SPOCK3: variants seen among roughly 807,000 people sequenced by gnomAD.
The protein encoded by SPOCK3 is testican-3.
A neutral mutation model predicts 56.6 loss-of-function variants in SPOCK3; 30 were observed. The observed-to-expected ratio is 0.53, with a 90% confidence interval of 0.40 to 0.72. The LOEUF is 0.72. SPOCK3 is among the 30% of genes least tolerant of loss of function. SPOCK3 has a pLI of 0.00. For missense variants in SPOCK3, 527 were observed against 530.0 expected, an observed-to-expected ratio of 0.99 and a Z score of 0.06; for synonymous variants, 196 against 183.3, an observed-to-expected ratio of 1.07 and a Z score of -0.56.
chr4:166,952,573 G>GA (rs1339031162), intron 4 of SPOCK3, among the ~76,000 whole-genome samples: 1 of 151,950 alleles, frequency 6.6e-6, no homozygotes, highest in Non-Finnish European at 1.5e-5. Context: ...CACAGAATTG[G>GA]AAAAAACTAC....
At chr4:166,830,745 G>A (rs547494209) in intron 6 of SPOCK3, among the ~76,000 whole-genome samples, 4 of 151,590 alleles carry the variant, frequency 2.6e-5, no homozygotes, top group Non-Finnish European at 4.4e-5. Flanking sequence ...TCCCCGCCCC[G>A]CTCGAAAAAA....
At chr4:166,742,257 C>CTATG (rs1490864324) in intron 8 of SPOCK3, among the ~76,000 whole-genome samples, 198 bp from the exon 9 acceptor site, 1 of 151,890 alleles carries the variant, frequency 6.6e-6, no homozygotes. Flanking sequence ...ATCTATCTAT[C>CTATG]TATCTATCTA....
At chr4:166,997,146 A>C (rs1168058484) in intron 4 of SPOCK3, among the ~76,000 whole-genome samples, 1 of 151,758 alleles carries the variant, frequency 6.6e-6, no homozygotes, top group Non-Finnish European at 1.5e-5. Context: ...AACAACACAC[A>C]CTGTGGCCTG....
chr4:167,129,014 A>G (rs1410378056), intron 2 of SPOCK3, among the ~76,000 whole-genome samples: 3 of 152,074 alleles, frequency 2.0e-5, no homozygotes, highest in Non-Finnish European at 4.4e-5. Flanking sequence ...CCTGCTCTAT[A>G]CCCTTGATTC....
At chr4:167,016,065 G>A (rs1433236368) in intron 3 of SPOCK3, among the ~76,000 whole-genome samples, 2 of 152,038 alleles carry the variant, frequency 1.3e-5, no homozygotes, top group Admixed American at 6.6e-5. Context: ...GTAAATTGAC[G>A]ATCCAATTAG....
chr4:166,960,085 A>G (rs558946380), intron 4 of SPOCK3, among the ~76,000 whole-genome samples: 1 of 152,336 alleles, frequency 6.6e-6, no homozygotes, highest in South Asian at 2.1e-4. Context: ...TGAAAGTAGT[A>G]TTACTCATTG....
intron 2 of SPOCK3, among the ~76,000 whole-genome samples, chr4:167,099,694 A>G (rs1190294077): frequency 6.6e-6 from 1 of 152,130 alleles, no homozygotes; most frequent in Non-Finnish European, 1.5e-5. Context: ...GTAGTTATTT[A>G]AAATTTGTTA....
chr4:166,999,692 G>C (rs900847797), intron 4 of SPOCK3, among the ~76,000 whole-genome samples: 1 of 152,088 alleles, frequency 6.6e-6, no homozygotes, highest in Admixed American at 6.6e-5. Context: ...ATTGTGGCGC[G>C]TTCAAATTTT....
At chr4:166,796,369 T>A (rs931376515) in intron 6 of SPOCK3, among the ~76,000 whole-genome samples, 2 of 152,184 alleles carry the variant, frequency 1.3e-5, no homozygotes, top group African/African-American at 4.8e-5. Context: ...GCAGAGGGGA[T>A]GCTCTGGGAA....
chr4:166,923,544 T>C (rs992868202), intron 4 of SPOCK3, among the ~76,000 whole-genome samples: 16 of 152,214 alleles, frequency 1.1e-4, no homozygotes, highest in African/African-American at 3.4e-4. Context: ...TAAATTCACA[T>C]AGACAGTATA....
chr4:166,769,092 T>C (rs996916869), intron 7 of SPOCK3, among the ~76,000 whole-genome samples: 1 of 151,358 alleles, frequency 6.6e-6, no homozygotes, highest in African/African-American at 2.4e-5. Context: ...ATTTGTCTAA[T>C]GTTTTTTCAA....
intron 3 of SPOCK3, among the ~76,000 whole-genome samples, chr4:167,033,668 A>G (rs1752479629): frequency 6.6e-6 from 1 of 151,958 alleles, no homozygotes; most frequent in African/African-American, 2.4e-5. Flanking sequence ...TAGTATTCCC[A>G]AAACACATGA....
intron 2 of SPOCK3, among the ~76,000 whole-genome samples, chr4:167,161,932 G>A (rs1015460909): frequency 8.6e-5 from 13 of 151,484 alleles, no homozygotes; most frequent in Non-Finnish European, 1.8e-4. Context: ...GGAGATATAC[G>A]TAATGTTAAA....
chr4:166,884,899 A>ACT (rs1290343255), intron 6 of SPOCK3, among the ~76,000 whole-genome samples: 1 of 150,852 alleles, frequency 6.6e-6, no homozygotes, highest in Non-Finnish European at 1.5e-5. Flanking sequence ...ACACACACAC[A>ACT]CTTAGTATTA....
intron 6 of SPOCK3, 95 bp from the exon 7 acceptor site, chr4:166,792,384 C>A: frequency 4.5e-6 from 6 of 1,339,102 alleles, no homozygotes; most frequent in Admixed American, 2.2e-5. Flanking sequence ...AAGGTAAGAA[C>A]GACTAAAAGA....
At chr4:166,738,640 C>A (rs1470896980) in intron 9 of SPOCK3, among the ~76,000 whole-genome samples, 1 of 110,576 alleles carries the variant, frequency 9.0e-6, no homozygotes, top group African/African-American at 3.5e-5. Flanking sequence ...CCACAACAGT[C>A]CCCAGAGTGT....
intron 3 of SPOCK3, among the ~76,000 whole-genome samples, chr4:167,046,092 T>G (rs942866023): frequency 6.6e-6 from 1 of 152,158 alleles, no homozygotes; most frequent in African/African-American, 2.4e-5. Context: ...TATATTCTTC[T>G]AACTTGTTTT....
intron 6 of SPOCK3, among the ~76,000 whole-genome samples, chr4:166,815,604 C>T (rs896467594): frequency 1.3e-5 from 2 of 151,914 alleles, no homozygotes; most frequent in Non-Finnish European, 2.9e-5. Flanking sequence ...CATAGCAAGA[C>T]TCTCTCTCTA....
chr4:166,784,936 T>A (rs546738285), intron 7 of SPOCK3, among the ~76,000 whole-genome samples: 18 of 152,236 alleles, frequency 1.2e-4, no homozygotes, highest in African/African-American at 4.3e-4. Flanking sequence ...TAGTACAATG[T>A]CACTTTCAAG....
Sources: gnomAD v4.1 joint callset for allele counts (sites outside exome capture counted in the v4.1 genomes callset) on GRCh38, gnomAD v4.1.1 for gene constraint, MANE v1.5 for transcripts, NCBI Gene and HGNC (gene_info 2026-07-23, HGNC 2026-07-21) for gene names.